Variants in TEX9 observed in about 807,000 individuals in gnomAD.
TEX9 encodes testis-expressed protein 9.
TEX9 carries 74 observed loss-of-function variants against 59.6 expected under a neutral mutation model. That is an observed-to-expected ratio of 1.24 (90% CI 1.03 to 1.51). The LOEUF is 1.51. Among genes scored for constraint, TEX9 ranks in the 40% most tolerant of loss-of-function variants. TEX9 has a pLI of 0.00. For synonymous variants in TEX9, 186 were observed against 152.2 expected (o/e 1.22, Z -1.64); for missense variants, 522 against 447.8 (o/e 1.17, Z -1.49).
chr15:56,248,443 C>G (rs1443478803), intron 1 of TEX9, among the ~76,000 whole-genome samples: 1 of 152,118 alleles, frequency 6.6e-6, no homozygotes, highest in Non-Finnish European at 1.5e-5. Flanking sequence ...CTATGTGACC[C>G]TATCTGTACA....
rs893970376 is a variant in TEX9 at position 56,301,614 on chromosome 15, T to G, written c.-107+57336T>G. Among the ~76,000 whole-genome samples the G allele has an allele frequency of 8.6e-5, 13 of 152,010 alleles. 1 individual carries two copies. Among genetic ancestry groups the G allele is most frequent in the South Asian group, 6.2e-4 (3 of 4,808 alleles). On this transcript the variant is annotated intron_variant, in intron 1 of 5. Coordinates refer to the TEX9 transcript ENST00000560827. The stretch of plus-strand genomic sequence containing the variant: ...GCAGCAGACTTCTCAGTGTAAACCT[T>G]ATAGCCCAGGAGAGAGTGGAATGAT...
intron 10 of TEX9, among the ~76,000 whole-genome samples, chr15:56,414,834 G>T (rs2049590365): frequency 6.6e-6 from 1 of 151,792 alleles, no homozygotes; most frequent in Admixed American, 6.6e-5. Context: ...TTGCACAATG[G>T]TTGAACTAAT....
At chr15:56,311,022 G>T (rs2045599251) in intron 1 of TEX9, among the ~76,000 whole-genome samples, 1 of 151,988 alleles carries the variant, frequency 6.6e-6, no homozygotes, top group South Asian at 2.1e-4. Context: ...GAACCCTTCA[G>T]AATTTTCTGG....
chr15:56,324,561 A>G (rs552326909), intron 1 of TEX9, among the ~76,000 whole-genome samples: 1 of 152,348 alleles, frequency 6.6e-6, no homozygotes, highest in South Asian at 2.1e-4. Context: ...AATATATAGT[A>G]TTCTACAGAT....
chr15:56,416,944 C>T (rs2049717815), intron 10 of TEX9, among the ~76,000 whole-genome samples: 2 of 151,590 alleles, frequency 1.3e-5, no homozygotes, highest in Admixed American at 1.3e-4. Context: ...GGAGGGTGTA[C>T]ATGTCCAGGA....
At position 56,383,240 on chromosome 15, in the gene TEX9, T is replaced by G. The variant is rs541499740; in HGVS notation, c.184-712T>G. Reference sequence around the variant, plus strand: ...CTGTCCCTCCCCTAAGTGCACAGACTCTTCAGGCTGCACAGCCACTGCAGG... The same window carrying G: ...CTGTCCCTCCCCTAAGTGCACAGACGCTTCAGGCTGCACAGCCACTGCAGG... On this transcript the variant is annotated intron_variant, in intron 3 of 12. Transcript: ENST00000352903. Among the ~76,000 whole-genome samples the G allele has an allele frequency of 1.6e-3, 251 of 152,308 alleles. 1 individual carries two copies. The highest frequency in any genetic ancestry group is 5.9e-3 in the African/African-American group (245 of 41,570).
intron 1 of TEX9, among the ~76,000 whole-genome samples, chr15:56,324,003 A>G (rs527719547): frequency 3.3e-5 from 5 of 152,264 alleles, no homozygotes; most frequent in Admixed American, 6.5e-5. Context: ...AGTATTTTCC[A>G]TAGCCACAAA....
chr15:56,258,379 A>G (rs2044189288), intron 1 of TEX9, among the ~76,000 whole-genome samples: 1 of 152,180 alleles, frequency 6.6e-6, no homozygotes, highest in African/African-American at 2.4e-5. Flanking sequence ...TGCTTTGGTC[A>G]GTATGGCCAT....
chr15:56,385,069 G>A (rs1034750401), intron 4 of TEX9, among the ~76,000 whole-genome samples: 8 of 152,130 alleles, frequency 5.3e-5, no homozygotes, highest in Non-Finnish European at 1.2e-4. Flanking sequence ...TTTTGCACAT[G>A]GATAGCCATT....
intron 10 of TEX9, among the ~76,000 whole-genome samples, chr15:56,419,651 A>G (rs1384083843): frequency 6.6e-6 from 1 of 152,016 alleles, no homozygotes; most frequent in East Asian, 1.9e-4. Context: ...ATGTCTGTAT[A>G]CATGGGAACA....
intron 7 of TEX9, among the ~76,000 whole-genome samples, chr15:56,393,336 C>G (rs2048305273): frequency 6.6e-6 from 1 of 152,088 alleles, no homozygotes; most frequent in Admixed American, 6.6e-5. Flanking sequence ...TCATCAGCTC[C>G]ATGATAACAC....
intron 1 of TEX9, among the ~76,000 whole-genome samples, chr15:56,317,627 C>G (rs2045807040): frequency 6.6e-6 from 1 of 152,028 alleles, no homozygotes; most frequent in African/African-American, 2.4e-5. Context: ...TTTAGGCTTT[C>G]TATTTGAGAT....
intron 1 of TEX9, among the ~76,000 whole-genome samples, chr15:56,285,912 GA>G (rs1261304599): frequency 1.3e-5 from 2 of 152,164 alleles, no homozygotes; most frequent in African/African-American, 4.8e-5. Context: ...TGTGAGTTTA[GA>G]AGGAAATAAA....
In TEX9 at chr15:56,330,632, G is replaced by T. The variant is rs537014030; in HGVS notation, c.-106-42809G>T. On this transcript the variant is annotated intron_variant, in intron 1 of 5. Coordinates refer to the TEX9 transcript ENST00000560827. The stretch of plus-strand genomic sequence containing the variant: ...AATAATGGATTATATAATAGGATTT[G>T]CTAGTCTCATAGTAACCTCACATCA... Among the ~76,000 whole-genome samples, 6 of 152,142 alleles carry T rather than the reference G, an allele frequency of 3.9e-5. No individual in the cohort carries two copies. The South Asian group carries it at 1.2e-3, about 32-fold the overall frequency.
At chr15:56,257,595 A>G (rs1402037872) in intron 1 of TEX9, among the ~76,000 whole-genome samples, 2 of 152,024 alleles carry the variant, frequency 1.3e-5, no homozygotes, top group Non-Finnish European at 2.9e-5. Context: ...TCTTCTTTTG[A>G]GAAGTGTCTG....
Position 56,383,933 on chromosome 15 carries a change from C to T in TEX9, c.184-19C>T, listed in dbSNP as rs749136520. ...GTTTTTTTTCTATATGATATATTAC[C>T]TATCTTTACTCATTTAAGAGAGATC... On this transcript the variant is annotated intron_variant, in intron 3 of 12. Coordinates refer to ENST00000352903, the Ensembl canonical transcript of TEX9. 6.3e-7 allele frequency: 1 copy of T among 1,583,862 alleles called. No individual in the cohort carries two copies. Among genetic ancestry groups the T allele is most frequent in the Non-Finnish European group, 8.6e-7 (1 of 1,161,578 alleles).
At chr15:56,440,808 T>C (rs1182426258) in intron 12 of TEX9, among the ~76,000 whole-genome samples, 1 of 152,226 alleles carries the variant, frequency 6.6e-6, no homozygotes, top group African/African-American at 2.4e-5. Context: ...TTTAGCATGA[T>C]CAGTCTGTCA....
intron 1 of TEX9, among the ~76,000 whole-genome samples, chr15:56,310,792 C>A (rs1388081059): frequency 1.3e-5 from 2 of 152,204 alleles, no homozygotes; most frequent in Non-Finnish European, 2.9e-5. Flanking sequence ...GGCAGCTAAT[C>A]CAACTGGAGA....
chr15:56,391,333 C>CA lies in TEX9; in HGVS notation c.490dup (p.Ile164AsnfsTer2). 1.2e-6 allele frequency: 2 copies of CA among 1,605,006 alleles called. No homozygotes were observed. The highest frequency in any genetic ancestry group is 1.7e-6 in the Non-Finnish European group (2 of 1,175,720). ...ACTTTTCCCTTGCAAAAACAATTAG[C>CA]AAAATTGAAGGGCAACTGGAGGAAG... On this transcript the variant is annotated frameshift_variant, in exon 7 of 13. Coordinates refer to ENST00000352903, the Ensembl canonical transcript of TEX9. LOFTEE classifies it high-confidence loss of function.
Sources: gnomAD v4.1 joint callset for allele counts (sites outside exome capture counted in the v4.1 genomes callset) on GRCh38, gnomAD v4.1.1 for gene constraint, MANE v1.5 for transcripts, NCBI Gene and HGNC (gene_info 2026-07-23, HGNC 2026-07-21) for gene names.